The following CNTN5 variants were observed in gnomAD, a reference collection of about 807,000 sequenced individuals.
The protein encoded by CNTN5 is contactin 5, also known as contactin-5.
Under a neutral mutation model 129.1 loss-of-function variants are expected in CNTN5, and 77 were observed. The ratio of observed to expected loss-of-function variants is 0.60; its 90% confidence interval spans 0.50 to 0.72. CNTN5 has a LOEUF of 0.72. Ranked by LOEUF, CNTN5 falls within the 30% of genes least tolerant of loss-of-function variation. The pLI is 0.00. For synonymous variants in CNTN5, 509 were observed against 465.6 expected (o/e 1.09, Z -1.20); for missense variants, 1,478 against 1,328.8 (o/e 1.11, Z -1.75).
chr11:99,762,067 T>C (rs1944600033), intron 3 of CNTN5, among the ~76,000 whole-genome samples: 1 of 102,530 alleles, frequency 9.8e-6, no homozygotes, highest in African/African-American at 3.4e-5. Context: ...TGTCTTCTTT[T>C]GAGAAGTGTC....
chr11:99,517,642 C>G (rs568537896), intron 2 of CNTN5, among the ~76,000 whole-genome samples: 2 of 152,014 alleles, frequency 1.3e-5, no homozygotes, highest in Non-Finnish European at 2.9e-5. Context: ...GAGCTCACCA[C>G]GCCCCACCTC....
At chr11:99,872,156 G>T (rs1049301924) in intron 6 of CNTN5, among the ~76,000 whole-genome samples, 1 of 151,854 alleles carries the variant, frequency 6.6e-6, no homozygotes, top group African/African-American at 2.4e-5. Context: ...ACATTTTGTT[G>T]TATCCAAAGT....
chr11:99,315,364 A>T lies in CNTN5; in HGVS notation c.-209-9982A>T, dbSNP rs1283740516. 2.0e-5 allele frequency among the ~76,000 whole-genome samples: 3 copies of T among 149,612 alleles called. 1 individual carries two copies. In the South Asian group the frequency reaches 6.4e-4, roughly 32 times the overall value. Reference sequence around the variant, plus strand: ...GCTTGTTGGTAAGGAAACCATAAACATGTTATAGTTTAAAGGGCAAGATGG... The same window carrying T: ...GCTTGTTGGTAAGGAAACCATAAACTTGTTATAGTTTAAAGGGCAAGATGG... On this transcript the variant is annotated intron_variant, in intron 1 of 24. Transcript: ENST00000524871.
At chr11:99,813,408 T>C (rs1034935168) in intron 3 of CNTN5, among the ~76,000 whole-genome samples, 2 of 152,170 alleles carry the variant, frequency 1.3e-5, no homozygotes, top group Admixed American at 6.6e-5. Flanking sequence ...AAATGGTCTA[T>C]CTTAGAAGAC....
intron 2 of CNTN5, among the ~76,000 whole-genome samples, chr11:99,404,340 T>A (rs1413980299): frequency 1.3e-5 from 2 of 151,998 alleles, no homozygotes; most frequent in African/African-American, 4.8e-5. Flanking sequence ...TCCATTTACA[T>A]TCAATGTTAA....
intron 2 of CNTN5, among the ~76,000 whole-genome samples, chr11:99,325,764 C>T (rs1591525192): frequency 6.6e-6 from 1 of 152,180 alleles, no homozygotes; most frequent in East Asian, 1.9e-4. Context: ...ATGAGGATGG[C>T]AAGTAACTGA....
chr11:99,857,500 G>A (rs1229560220), intron 6 of CNTN5, among the ~76,000 whole-genome samples: 2 of 152,012 alleles, frequency 1.3e-5, no homozygotes, highest in Non-Finnish European at 2.9e-5. Flanking sequence ...ATACTTCATC[G>A]ATTATAAGGC....
intron 6 of CNTN5, among the ~76,000 whole-genome samples, chr11:99,856,415 A>G (rs534715098): frequency 8.5e-5 from 13 of 152,304 alleles, no homozygotes; most frequent in African/African-American, 2.4e-4. Context: ...ACCCTCAGAC[A>G]GTGGACTTTC....
chr11:99,328,960 G>A (rs1865897697), intron 2 of CNTN5, among the ~76,000 whole-genome samples: 1 of 151,634 alleles, frequency 6.6e-6, no homozygotes, highest in South Asian at 2.1e-4. Flanking sequence ...GTAAATACAT[G>A]TATAAGTTGG....
chr11:99,576,127 C>G (rs1212086562), intron 3 of CNTN5, among the ~76,000 whole-genome samples: 1 of 152,152 alleles, frequency 6.6e-6, no homozygotes, highest in African/African-American at 2.4e-5. Context: ...CGCTTTTTCC[C>G]TACCACAGGT....
intron 2 of CNTN5, among the ~76,000 whole-genome samples, chr11:99,497,197 G>C (rs1054575171): frequency 1.5e-4 from 23 of 152,288 alleles, no homozygotes; most frequent in Non-Finnish European, 2.5e-4. Context: ...TCCCAGATGG[G>C]AAAAATATTA....
At chr11:99,512,678 T>C (rs755548548) in intron 2 of CNTN5, among the ~76,000 whole-genome samples, 11 of 152,234 alleles carry the variant, frequency 7.2e-5, no homozygotes, top group Admixed American at 5.2e-4. Context: ...CCTGTTACGG[T>C]GATCAGTGAT....
At chr11:99,276,677 T>C (rs1027229938) in intron 1 of CNTN5, among the ~76,000 whole-genome samples, 6 of 151,548 alleles carry the variant, frequency 4.0e-5, no homozygotes, top group Admixed American at 1.3e-4. Flanking sequence ...GGAATTGTAG[T>C]AGTGGTAAAA....
At chr11:99,031,496 G>A (rs944263796) in intron 1 of CNTN5, among the ~76,000 whole-genome samples, 1 of 151,636 alleles carries the variant, frequency 6.6e-6, no homozygotes, top group Non-Finnish European at 1.5e-5. Context: ...AAATTTATTG[G>A]GTCTGGAACT....
intron 16 of CNTN5, among the ~76,000 whole-genome samples, chr11:100,229,158 A>G (rs1220223463): frequency 6.6e-6 from 1 of 152,062 alleles, no homozygotes; most frequent in African/African-American, 2.4e-5. Flanking sequence ...CTATAAAATT[A>G]GAATATCAAA....
intron 3 of CNTN5, among the ~76,000 whole-genome samples, chr11:99,618,224 A>G (rs1207603972): frequency 6.6e-6 from 1 of 152,312 alleles, no homozygotes; most frequent in South Asian, 2.1e-4. Flanking sequence ...CAAATTTCAG[A>G]TTATAAAACA....
intron 2 of CNTN5, among the ~76,000 whole-genome samples, chr11:99,550,289 A>C (rs189750229): frequency 4.6e-5 from 7 of 152,256 alleles, no homozygotes; most frequent in African/African-American, 1.7e-4. Context: ...CTTGGTCCTC[A>C]AAAGATATAT....
At chr11:99,977,726 C>T (rs568763270) in intron 8 of CNTN5, among the ~76,000 whole-genome samples, 95 of 152,278 alleles carry the variant, frequency 6.2e-4, no homozygotes, top group Admixed American at 1.8e-3. Flanking sequence ...AGTTACCTCT[C>T]ATGAGGCCCC....
At chr11:99,207,046 C>G (rs1305669431) in intron 1 of CNTN5, among the ~76,000 whole-genome samples, 4 of 151,920 alleles carry the variant, frequency 2.6e-5, no homozygotes, top group Non-Finnish European at 5.9e-5. Flanking sequence ...GGCTGCTAGT[C>G]TTAGTCACAA....
Sources: allele counts gnomAD v4.1 joint callset (sites outside exome capture counted in the v4.1 genomes callset), GRCh38; gene constraint gnomAD v4.1.1; transcripts MANE v1.5; gene names NCBI Gene and HGNC (gene_info 2026-07-23, HGNC 2026-07-21).